Variants in PLEKHG3 observed in about 807,000 individuals in gnomAD.
The protein encoded by PLEKHG3 is pleckstrin homology domain-containing family G member 3.
PLEKHG3 carries 62 observed loss-of-function variants against 94.9 expected under a neutral mutation model. The observed-to-expected ratio is 0.65, with a 90% CI of 0.53 to 0.81. The LOEUF is 0.81. Ranked by LOEUF, PLEKHG3 falls within the 30% of genes least tolerant of loss-of-function variation. PLEKHG3 has a pLI of 0.00. For synonymous variants in PLEKHG3, 614 were observed against 654.0 expected (o/e 0.94, Z 0.93); for missense variants, 1,461 against 1,619.3 (o/e 0.90, Z 1.68).
chr14:64,749,689 T>G lies in PLEKHG3; in HGVS notation c.*5986T>G. On this transcript the variant is annotated 3_prime_UTR_variant, in exon 17 of 17. Coordinates refer to ENST00000247226, the MANE Select transcript of PLEKHG3 (RefSeq NM_001308147.2). The surrounding 1 kb of genome is among the most constrained non-coding windows in gnomAD (Gnocchi z 4.7). ...CCATGGAAGAGCCACTCGCTGCCAT[T>G]ACTCAGCCTAGGAGGACAAAGGGTT... 6.2e-7 allele frequency: 1 copy of G among 1,613,802 alleles called. No homozygotes were observed. The highest frequency in any genetic ancestry group is 8.5e-7 in the Non-Finnish European group (1 of 1,179,930).
rs568803135 is a variant in PLEKHG3 at position 64,731,285 on chromosome 14, C to G, written c.850-76C>G. On this transcript the variant is annotated intron_variant, in intron 7 of 16. Coordinates refer to ENST00000247226, the MANE Select transcript of PLEKHG3 (RefSeq NM_001308147.2). This position sits in a 1 kb window ranked among gnomAD's most constrained non-coding sequence, Gnocchi z 6.1. ...GAGCTGGGCAGTGGCATTGGGGGAG[C>G]CTTTGTGGCAGGGTTTGCAGAGCCT... is the stretch of plus-strand genomic sequence containing the variant. 12 of 1,476,728 alleles carry G rather than the reference C, an allele frequency of 8.1e-6. No individual in the cohort carries two copies. Among genetic ancestry groups the G allele is most frequent in the Admixed American group, 3.4e-5 (2 of 58,070 alleles). 91.5% of individuals were successfully genotyped at this position (1,476,728 alleles called of 1,614,324 possible). A position where few individuals can be genotyped will look rare whatever the true frequency, so the allele number is the denominator to read the frequency against.
At position 64,730,743 on chromosome 14, in the gene PLEKHG3, C is replaced by G; in HGVS notation, c.566+55C>G. The G allele has an allele frequency of 1.2e-6, 2 of 1,612,474 alleles. No individual in the cohort carries two copies. Among genetic ancestry groups the G allele is most frequent in the Non-Finnish European group, 1.7e-6 (2 of 1,178,652 alleles). On this transcript the variant is annotated intron_variant, in intron 5 of 16. Transcript: ENST00000247226. The surrounding 1 kb of genome is among the most constrained non-coding windows in gnomAD (Gnocchi z 5.4). ...AGCCATTTGGTGAGTCCAGAGCCCCCCACTTCCTCATCCAGGCCTTCCCCA... is the reference window on the plus strand; with the variant it reads ...AGCCATTTGGTGAGTCCAGAGCCCCGCACTTCCTCATCCAGGCCTTCCCCA...
Position 64,732,151 on chromosome 14 carries a change from A to G in PLEKHG3, c.1182A>G (p.Leu394=). 3 of 1,613,896 alleles carry G rather than the reference A, an allele frequency of 1.9e-6. No homozygotes were observed. Among genetic ancestry groups the G allele is most frequent in the East Asian group, 2.2e-5 (1 of 44,864 alleles). Residue 394 remains leucine, a synonymous_variant, in exon 10 of 17, where the codon CTA becomes CTG. Coordinates refer to ENST00000247226, the MANE Select transcript of PLEKHG3 (RefSeq NM_001308147.2). This position sits in a 1 kb window ranked among gnomAD's most constrained non-coding sequence, Gnocchi z 4.9. ...CTCACCACATCAAGAGGCTCATCCT[A>G]GAGAACCACCATGCCACCATTCCCC... The part of the protein sequence containing the change: ...NWTHHIKRLI[L]ENHHATIPQK...
Position 64,732,565 on chromosome 14 carries a change from G to A in PLEKHG3, c.1246+105G>A. Reference sequence around the variant, plus strand: ...CTGATAATTTTATTCCAGGAGCAGGGAGGGCGGGGGTCTCCTGTTAAGGGC... The same window carrying A: ...CTGATAATTTTATTCCAGGAGCAGGAAGGGCGGGGGTCTCCTGTTAAGGGC... On this transcript the variant is annotated intron_variant, in intron 11 of 16. Transcript: ENST00000247226. The surrounding 1 kb of genome is among the most constrained non-coding windows in gnomAD (Gnocchi z 4.9). 2 of 1,055,970 alleles carry A rather than the reference G, an allele frequency of 1.9e-6. No homozygotes were observed. Among genetic ancestry groups the A allele is most frequent in the Non-Finnish European group, 3.0e-6 (2 of 675,476 alleles). 65.4% of individuals were successfully genotyped at this position (1,055,970 alleles called of 1,614,324 possible).
rs2081473474 is a variant in PLEKHG3 at position 64,731,844 on chromosome 14, A to AGG, written c.1125+38_1125+39insGG. 4.1e-6 allele frequency: 6 copies of AGG among 1,446,354 alleles called. No individual in the cohort carries two copies. Among genetic ancestry groups the AGG allele is most frequent in the Non-Finnish European group, 5.8e-6 (6 of 1,028,746 alleles). The allele number at this position is 1,446,354 out of a possible 1,614,324, so 89.6% of individuals were successfully genotyped here. Reference sequence around the variant, plus strand: ...TGGGGCTCAGGGGCTAGGGAACAAGATGCCCAGGGGACACCTGCGTGGGAC... The same window carrying AGG: ...TGGGGCTCAGGGGCTAGGGAACAAGAGGTGCCCAGGGGACACCTGCGTGGGAC... On this transcript the variant is annotated intron_variant, in intron 9 of 16. Transcript: ENST00000247226. This position sits in a 1 kb window ranked among gnomAD's most constrained non-coding sequence, Gnocchi z 6.1.
rs2081498341 is a variant in PLEKHG3 at position 64,732,923 on chromosome 14, C to T, written c.1345+22C>T. ...TCTGGTAAGAGAAGGGCTGTGGAGG[C>T]AGGAGGCCTCTCCCTCACACCCTTG... On this transcript the variant is annotated intron_variant, in intron 12 of 16. Transcript: ENST00000247226. This position sits in a 1 kb window ranked among gnomAD's most constrained non-coding sequence, Gnocchi z 4.9. 4.1e-6 allele frequency: 6 copies of T among 1,453,386 alleles called. No individual in the cohort carries two copies. The East Asian group carries it at 9.3e-5, about 22-fold the overall frequency. 90.0% of individuals were successfully genotyped at this position (1,453,386 alleles called of 1,614,324 possible). A position where few individuals can be genotyped will look rare whatever the true frequency, so the allele number is the denominator to read the frequency against.
In PLEKHG3 at chr14:64,748,936, CT is replaced by C. The variant is rs34353769; in HGVS notation, c.*5251del. The C allele has an allele frequency of 0.76, 97,258 of 128,512 alleles. 35,193 individuals are homozygous for C. The highest frequency in any genetic ancestry group is 0.8 in the East Asian group (3,480 of 4,372). The allele number at this position is 128,512 out of a possible 1,614,324, so 8.0% of individuals were successfully genotyped here. A position where few individuals can be genotyped will look rare whatever the true frequency, so the allele number is the denominator to read the frequency against. On this transcript the variant is annotated 3_prime_UTR_variant, in exon 17 of 17. Coordinates refer to ENST00000247226, the MANE Select transcript of PLEKHG3 (RefSeq NM_001308147.2). ...AGAACCCCATCAGCCTTCTCCAGCT[CT>C]TTTTTTTTTTTTTTTTTGGTTGGGG...
chr14:64,717,033 G>C lies in PLEKHG3; in HGVS notation c.-39-10560G>C, dbSNP rs1209099601. On this transcript the variant is annotated intron_variant, in intron 1 of 16. Coordinates refer to ENST00000247226, the MANE Select transcript of PLEKHG3 (RefSeq NM_001308147.2). The surrounding 1 kb of genome is among the most constrained non-coding windows in gnomAD (Gnocchi z 4.7). ...GGGGAAGGAGCTATGGGTAGAGAGG[G>C]GCCCCCTGGGCCCTGTAGGATAGGG... Among the ~76,000 whole-genome samples, 1 of 152,128 alleles carries C rather than the reference G, an allele frequency of 6.6e-6. No homozygotes were observed. The highest frequency in any genetic ancestry group is 2.4e-5 in the African/African-American group (1 of 41,428).
intron 1 of PLEKHG3, among the ~76,000 whole-genome samples, chr14:64,709,758 T>A (rs968649655): frequency 9.9e-5 from 15 of 151,398 alleles, no homozygotes; most frequent in Non-Finnish European, 2.2e-4. Flanking sequence ...TGTGTGTGTG[T>A]GTGTGTGTAG....
rs779745681 is a variant in PLEKHG3 at position 64,743,298 on chromosome 14, C to G, written c.3255C>G (p.Asn1085Lys). The G allele has an allele frequency of 3.1e-6, 5 of 1,608,144 alleles. No homozygotes were observed. Among genetic ancestry groups the G allele is most frequent in the Non-Finnish European group, 8.5e-7 (1 of 1,178,950 alleles). ...PVNRSHSVPE[N>K]MVEPPLSGRV... ...ACAGGAGCCACTCGGTGCCGGAGAACATGGTAGAGCCACCTCTGTCGGGCA... is the reference window on the plus strand; with the variant it reads ...ACAGGAGCCACTCGGTGCCGGAGAAGATGGTAGAGCCACCTCTGTCGGGCA... The change falls in exon 17 of 17, where the codon AAC (asparagine) becomes AAG (lysine). Residue 1085 changes from asparagine (N) to lysine (K), a missense_variant. Coordinates refer to ENST00000247226, the MANE Select transcript of PLEKHG3 (RefSeq NM_001308147.2). The surrounding 1 kb of genome is among the most constrained non-coding windows in gnomAD (Gnocchi z 7.2).
At chr14:64,733,917 G>A (rs1327419336) in intron 12 of PLEKHG3, among the ~76,000 whole-genome samples, 1 of 152,234 alleles carries the variant, frequency 6.6e-6, no homozygotes, top group Non-Finnish European at 1.5e-5. Flanking sequence ...CCAGGTGTCT[G>A]CCAAACATAT....
chr14:64,730,127 T>C lies in PLEKHG3; in HGVS notation c.450-116T>C. The C allele has an allele frequency of 1.6e-6, 1 of 637,742 alleles. No homozygotes were observed. The highest frequency in any genetic ancestry group is 2.8e-6 in the Non-Finnish European group (1 of 356,748). 39.5% of individuals were successfully genotyped at this position (637,742 alleles called of 1,614,324 possible). ...CCTCTGAGGCTAGAAGCCCCAGTTC[T>C]TTAGCAAAGCAATAGGGCTGGCTGT... On this transcript the variant is annotated intron_variant, in intron 3 of 16. Transcript: ENST00000247226. The surrounding 1 kb of genome is among the most constrained non-coding windows in gnomAD (Gnocchi z 5.4).
intron 12 of PLEKHG3, among the ~76,000 whole-genome samples, chr14:64,733,149 TTTTC>T (rs1220223868): frequency 4.3e-4 from 64 of 149,342 alleles, no homozygotes; most frequent in South Asian, 2.8e-3. Context: ...TTTTCTTTTC[TTTTC>T]TTTTCTTTTT....
At chr14:64,711,526 G>A (rs112813312) in intron 1 of PLEKHG3, among the ~76,000 whole-genome samples, 1 of 151,294 alleles carries the variant, frequency 6.6e-6, no homozygotes, top group Non-Finnish European at 1.5e-5. Context: ...CCATTCTCCT[G>A]CCTCAGCCTC....
rs1252605606 is a variant in PLEKHG3, at chr14:64,722,605, T to C, written c.-39-4988T>C. 6.6e-6 allele frequency among the ~76,000 whole-genome samples: 1 copy of C among 152,182 alleles called. No individual in the cohort carries two copies. On this transcript the variant is annotated intron_variant, in intron 1 of 16. Coordinates refer to ENST00000247226, the MANE Select transcript of PLEKHG3 (RefSeq NM_001308147.2). This position sits in a 1 kb window ranked among gnomAD's most constrained non-coding sequence, Gnocchi z 4.3. ...GCAGCTGCCCCATGGGGACCCTCCT[T>C]GCTCGTTTTCTGCCTGGCTCCAAAG...
At chr14:64,714,546 C>T (rs936447994) in intron 1 of PLEKHG3, among the ~76,000 whole-genome samples, 6 of 152,196 alleles carry the variant, frequency 3.9e-5, no homozygotes, top group African/African-American at 1.4e-4. Context: ...GGAATGTAAG[C>T]TCCATGAGAA....
chr14:64,733,164 C>CT (rs112116298), intron 12 of PLEKHG3, among the ~76,000 whole-genome samples: 17,911 of 135,250 alleles, frequency 0.13, 1,348 homozygotes, highest in Middle Eastern at 0.18. Context: ...TTTTCTTTTT[C>CT]TTTTTTTTTT....
rs2081619431 is a variant in PLEKHG3 at position 64,738,448 on chromosome 14, T to C, written c.1405-294T>C. Among the ~76,000 whole-genome samples the C allele has an allele frequency of 6.6e-6, 1 of 151,800 alleles. No homozygotes were observed. The stretch of plus-strand genomic sequence containing the variant: ...TATAACGCCCAACAAGCATGACAAG[T>C]GGGGTGGGGTGGTGGGGGCAGGGAG... On this transcript the variant is annotated intron_variant, in intron 14 of 16. Coordinates refer to ENST00000247226, the MANE Select transcript of PLEKHG3 (RefSeq NM_001308147.2). The surrounding 1 kb of genome is among the most constrained non-coding windows in gnomAD (Gnocchi z 4.8).
At position 64,727,508 on chromosome 14, in the gene PLEKHG3, C is replaced by CCCCCCCCCA; in HGVS notation, c.-39-85_-39-84insCCCCCCCCA. On this transcript the variant is annotated intron_variant, in intron 1 of 16. Transcript: ENST00000247226. This position sits in a 1 kb window ranked among gnomAD's most constrained non-coding sequence, Gnocchi z 6.0. ...ACTAAATAATACCTTCCCACCCCAC[C>CCCCCCCCCA]TGCCCCCACCCCTGGCAACCGTCCC... 2.2e-6 allele frequency: 1 copy of CCCCCCCCCA among 464,650 alleles called. No homozygotes were observed. Among genetic ancestry groups the CCCCCCCCCA allele is most frequent in the Non-Finnish European group, 4.1e-6 (1 of 244,262 alleles). The allele number at this position is 464,650 out of a possible 1,614,324, so 28.8% of individuals were successfully genotyped here.
Sources: allele counts gnomAD v4.1 joint callset (sites outside exome capture counted in the v4.1 genomes callset), GRCh38; gene constraint gnomAD v4.1.1; non-coding constraint Gnocchi (gnomAD v3.1); transcripts MANE v1.5; gene names NCBI Gene and HGNC (gene_info 2026-07-23, HGNC 2026-07-21).